The following FGF1 variants were observed in gnomAD, a reference collection of about 807,000 sequenced individuals.
The protein encoded by FGF1 is beta-endothelial cell growth factor.
A neutral mutation model predicts 13.4 loss-of-function variants in FGF1; 9 were observed. That is an observed-to-expected ratio of 0.67 (90% CI 0.40 to 1.17). The LOEUF (loss-of-function observed/expected upper bound fraction) is 1.17. Ranked by LOEUF, FGF1 falls within the 50% of genes most tolerant of loss-of-function variation. The pLI is 0.01. For missense variants in FGF1, 156 were observed against 192.7 expected, an observed-to-expected ratio of 0.81 and a Z score of 1.13; for synonymous variants, 93 against 79.0, an observed-to-expected ratio of 1.18 and a Z score of -0.94.
chr5:142,667,513 G>A (rs1380606464), intron 1 of FGF1, among the ~76,000 whole-genome samples: 2 of 151,322 alleles, frequency 1.3e-5, no homozygotes, highest in Non-Finnish European at 2.9e-5. Flanking sequence ...GTGAACCTGG[G>A]AGGCGGAGCT....
chr5:142,605,694 C>T (rs1386841354), intron 2 of FGF1, among the ~76,000 whole-genome samples: 1 of 152,184 alleles, frequency 6.6e-6, no homozygotes, highest in Non-Finnish European at 1.5e-5. Context: ...TATTATTTCT[C>T]CAGGATGTCC....
At chr5:142,636,920 C>T (rs1407200696) in intron 1 of FGF1, among the ~76,000 whole-genome samples, 1 of 151,980 alleles carries the variant, frequency 6.6e-6, no homozygotes, top group African/African-American at 2.4e-5. Context: ...ATGGAATACT[C>T]AGGCTGGGAT....
At chr5:142,613,736 A>C (rs1759581079) in intron 2 of FGF1, among the ~76,000 whole-genome samples, 1 of 152,234 alleles carries the variant, frequency 6.6e-6, no homozygotes, top group African/African-American at 2.4e-5. Flanking sequence ...GAGTGCTTTA[A>C]AAAACTTGAA....
intron 2 of FGF1, among the ~76,000 whole-genome samples, chr5:142,602,250 C>T (rs1292501417): frequency 6.6e-6 from 1 of 151,816 alleles, no homozygotes; most frequent in Non-Finnish European, 1.5e-5. Flanking sequence ...GATCTCGGCT[C>T]ACTGCAAGCT....
chr5:142,666,510 C>T (rs1770392927), intron 1 of FGF1, among the ~76,000 whole-genome samples: 1 of 151,776 alleles, frequency 6.6e-6, no homozygotes, highest in African/African-American at 2.4e-5. Context: ...TCTGTCCATT[C>T]ACCAGTCTGT....
rs1460623441 is a variant in FGF1, at chr5:142,615,169, A to C, written c.-34-1008T>G. Among the ~76,000 whole-genome samples the C allele has an allele frequency of 2.0e-5, 3 of 152,274 alleles. No homozygotes were observed. The East Asian group carries it at 5.8e-4, about 29-fold the overall frequency. ...AGAAGGAAGTGCTGGTGACTCTAAA[A>C]ACTGAAAAGAAAGAGGCCAAAAAGA... On this transcript the variant is annotated intron_variant, in intron 1 of 3. Coordinates refer to ENST00000337706, the MANE Select transcript of FGF1 (RefSeq NM_000800.5).
At chr5:142,661,070 A>G (rs1171085897) in intron 1 of FGF1, among the ~76,000 whole-genome samples, 2 of 152,244 alleles carry the variant, frequency 1.3e-5, no homozygotes, top group Admixed American at 6.5e-5. Flanking sequence ...TTCCTCTTGC[A>G]GGCTTGCCAT....
At chr5:142,654,935 G>C (rs1177502975) in intron 1 of FGF1, among the ~76,000 whole-genome samples, 3 of 152,248 alleles carry the variant, frequency 2.0e-5, no homozygotes, top group Admixed American at 1.3e-4. Flanking sequence ...GATGAAGATA[G>C]AGCCAGGTAA....
At chr5:142,655,330 A>G (rs1413265552) in intron 1 of FGF1, among the ~76,000 whole-genome samples, 1 of 152,176 alleles carries the variant, frequency 6.6e-6, no homozygotes, top group Non-Finnish European at 1.5e-5. Context: ...CTCGTCCACC[A>G]TTGAGACCTG....
At chr5:142,658,833 TG>T (rs1250013867) in intron 1 of FGF1, among the ~76,000 whole-genome samples, 3 of 152,148 alleles carry the variant, frequency 2.0e-5, no homozygotes, top group Non-Finnish European at 4.4e-5. Context: ...CATGGTGCTC[TG>T]GGGATGCTTC....
intron 1 of FGF1, among the ~76,000 whole-genome samples, chr5:142,647,983 G>T (rs1766484035): frequency 6.6e-6 from 1 of 152,136 alleles, no homozygotes; most frequent in East Asian, 1.9e-4. Flanking sequence ...TACTTGCGAG[G>T]CTGAAGCAGG....
intron 1 of FGF1, among the ~76,000 whole-genome samples, chr5:142,616,989 C>T (rs753930938): frequency 5.9e-5 from 9 of 152,162 alleles, no homozygotes; most frequent in Admixed American, 2.6e-4. Flanking sequence ...TTAGGTGGGC[C>T]GAATTTTGTT....
At chr5:142,628,240 G>A (rs1297232813) in intron 1 of FGF1, among the ~76,000 whole-genome samples, 1 of 152,184 alleles carries the variant, frequency 6.6e-6, no homozygotes, top group Non-Finnish European at 1.5e-5. Context: ...GCTGGGCGTG[G>A]TGGCTCACAC....
chr5:142,630,747 G>A (rs1184889874), intron 1 of FGF1, among the ~76,000 whole-genome samples: 3 of 152,132 alleles, frequency 2.0e-5, no homozygotes, highest in Non-Finnish European at 4.4e-5. Context: ...CCCATGGGCT[G>A]CCTCCCATGC....
chr5:142,681,477 C>A (rs1773680977), intron 1 of FGF1, among the ~76,000 whole-genome samples: 1 of 152,176 alleles, frequency 6.6e-6, no homozygotes, highest in South Asian at 2.1e-4. Context: ...GTGTTCATGT[C>A]TTGCCCCAAA....
intron 3 of FGF1, among the ~76,000 whole-genome samples, chr5:142,599,532 G>T (rs374001990): frequency 3.3e-5 from 5 of 152,312 alleles, no homozygotes; most frequent in African/African-American, 7.2e-5. Context: ...GAGGAAAGGG[G>T]TGTGGATTGG....
At chr5:142,642,637 A>T (rs1390161726) in intron 1 of FGF1, among the ~76,000 whole-genome samples, 1 of 152,182 alleles carries the variant, frequency 6.6e-6, no homozygotes, top group Non-Finnish European at 1.5e-5. Context: ...CACCAAATAG[A>T]TCTGGCTTTG....
At chr5:142,664,708 G>A (rs1169842205) in intron 1 of FGF1, among the ~76,000 whole-genome samples, 2 of 152,158 alleles carry the variant, frequency 1.3e-5, no homozygotes, top group African/African-American at 2.4e-5. Context: ...TGACACCGTC[G>A]ATGTCCAGGG....
chr5:142,619,124 C>T (rs894503274), intron 1 of FGF1, among the ~76,000 whole-genome samples: 10 of 151,632 alleles, frequency 6.6e-5, no homozygotes, highest in Admixed American at 1.3e-4. Flanking sequence ...TTAGTAGAGA[C>T]GGGGTTTCAC....
Sources: gnomAD v4.1 joint callset for allele counts (sites outside exome capture counted in the v4.1 genomes callset) on GRCh38, gnomAD v4.1.1 for gene constraint, MANE v1.5 for transcripts, NCBI Gene and HGNC (gene_info 2026-07-23, HGNC 2026-07-21) for gene names.